Variants in PCDH15 observed in about 807,000 individuals in gnomAD.
PCDH15 encodes the protein protocadherin related 15.
Under a neutral mutation model 178.5 loss-of-function variants are expected in PCDH15, and 129 were observed. That is an observed-to-expected ratio of 0.72 (90% CI 0.63 to 0.84). The LOEUF is 0.84. Ranked by LOEUF, PCDH15 falls within the 40% of genes least tolerant of loss-of-function variation. The pLI is 0.00. For synonymous variants in PCDH15, 800 were observed against 732.0 expected (o/e 1.09, Z -1.50); for missense variants, 2,230 against 2,099.9 (o/e 1.06, Z -1.21).
chr10:54,391,200 T>A (rs1240329606), intron 3 of PCDH15, among the ~76,000 whole-genome samples: 1 of 152,204 alleles, frequency 6.6e-6, no homozygotes, highest in Non-Finnish European at 1.5e-5. Context: ...TGCAGCCACT[T>A]GATCATCCAA....
chr10:54,539,201 G>A (rs2084920466), intron 2 of PCDH15, among the ~76,000 whole-genome samples: 1 of 152,090 alleles, frequency 6.6e-6, no homozygotes, highest in Non-Finnish European at 1.5e-5. Context: ...GTTGGATAAA[G>A]TAACACCCAT....
intron 1 of PCDH15, among the ~76,000 whole-genome samples, chr10:54,742,249 C>T (rs1019823977): frequency 3.9e-5 from 6 of 151,982 alleles, no homozygotes; most frequent in African/African-American, 1.4e-4. Context: ...ATGTGGGAGA[C>T]TTTTCCAAAT....
At chr10:55,361,784 T>C (rs924059082) in intron 2 of PCDH15, among the ~76,000 whole-genome samples, 2 of 152,078 alleles carry the variant, frequency 1.3e-5, no homozygotes, top group Non-Finnish European at 2.9e-5. Context: ...ATCAGACCAA[T>C]AGGAGCAAAA....
At chr10:54,830,742 A>T (rs79768879) in intron 3 of PCDH15, among the ~76,000 whole-genome samples, 11 of 150,964 alleles carry the variant, frequency 7.3e-5, no homozygotes, top group African/African-American at 1.2e-4. Context: ...AATAATAATT[A>T]AAAAAAAAGG....
In PCDH15 at chr10:53,901,522, A is replaced by C. The variant is rs1413041560; in HGVS notation, c.3501+1721T>G. ...CATGCATTAAACTCTACTTGTCCAA[A>C]ACACTGTGTTACCCATTCCCAACAT... On this transcript the variant is annotated intron_variant, in intron 26 of 37. Transcript: ENST00000644397. 2.0e-5 allele frequency among the ~76,000 whole-genome samples: 3 copies of C among 152,138 alleles called. No individual in the cohort carries two copies. In the East Asian group the frequency reaches 5.8e-4, roughly 29 times the overall value.
chr10:54,046,798 T>C (rs2093665145), intron 18 of PCDH15, among the ~76,000 whole-genome samples: 1 of 152,150 alleles, frequency 6.6e-6, no homozygotes, highest in Non-Finnish European at 1.5e-5. Flanking sequence ...CACTTTTGTG[T>C]ATTACATTTT....
intron 9 of PCDH15, among the ~76,000 whole-genome samples, chr10:54,233,097 C>G (rs2054249419): frequency 6.6e-6 from 1 of 151,922 alleles, no homozygotes; most frequent in South Asian, 2.1e-4. Flanking sequence ...GTGCACACCA[C>G]TATGCCCAGC....
intron 14 of PCDH15, 127 bp from the exon 15 acceptor site, chr10:54,133,134 A>G (rs2042586470): frequency 8.8e-7 from 1 of 1,139,358 alleles, no homozygotes. Flanking sequence ...AAAATAATAC[A>G]ATCAAAATGA....
Position 55,237,285 on chromosome 10 carries a change from C to A in PCDH15, c.-155-70634G>T, listed in dbSNP as rs75906508. Among the ~76,000 whole-genome samples, 140 of 152,132 alleles carry A rather than the reference C, an allele frequency of 9.2e-4. 1 individual carries two copies. In the East Asian group the frequency reaches 0.027, roughly 29 times the overall value. ...TTCTGTGTTGAAGAAAAAACAGCCCCTTCTTTTACTTAAAGACAGGTTATG... is the reference window on the plus strand; with the variant it reads ...TTCTGTGTTGAAGAAAAAACAGCCCATTCTTTTACTTAAAGACAGGTTATG... On this transcript the variant is annotated intron_variant, in intron 1 of 5. Transcript: ENST00000458638.
intron 5 of PCDH15, among the ~76,000 whole-genome samples, chr10:54,361,616 T>C (rs750626381): frequency 2.0e-5 from 3 of 152,066 alleles, no homozygotes; most frequent in Admixed American, 6.6e-5. Context: ...AGGTAGGAAG[T>C]GGTCATCCTA....
chr10:54,933,806 T>C (rs922629676), intron 2 of PCDH15, among the ~76,000 whole-genome samples: 2 of 152,154 alleles, frequency 1.3e-5, no homozygotes, highest in African/African-American at 4.8e-5. Flanking sequence ...CACTCTTACT[T>C]TAAATTGACT....
At chr10:54,495,113 G>A (rs2079988669) in intron 3 of PCDH15, among the ~76,000 whole-genome samples, 1 of 152,180 alleles carries the variant, frequency 6.6e-6, no homozygotes, top group Non-Finnish European at 1.5e-5. Flanking sequence ...TGCACAGAGT[G>A]TGAGAATCAG....
At chr10:55,436,248 A>T (rs1270434164) in intron 2 of PCDH15, among the ~76,000 whole-genome samples, 2 of 152,102 alleles carry the variant, frequency 1.3e-5, no homozygotes, top group East Asian at 3.9e-4. Context: ...ATTCCTTAAG[A>T]TTGCTTTAGT....
intron 29 of PCDH15, among the ~76,000 whole-genome samples, chr10:53,836,502 A>G (rs2077316200): frequency 7.9e-6 from 1 of 127,388 alleles, no homozygotes; most frequent in South Asian, 2.8e-4. Flanking sequence ...AGACTGAGAA[A>G]ACCCTACAGC....
At chr10:55,133,967 T>G (rs914105174) in intron 2 of PCDH15, among the ~76,000 whole-genome samples, 1 of 152,172 alleles carries the variant, frequency 6.6e-6, no homozygotes, top group Admixed American at 6.5e-5. Context: ...TCTGATCTCC[T>G]TTAGTATATT....
At chr10:55,363,722 G>A (rs1470802559) in intron 2 of PCDH15, among the ~76,000 whole-genome samples, 1 of 151,838 alleles carries the variant, frequency 6.6e-6, no homozygotes, top group African/African-American at 2.4e-5. Flanking sequence ...TGCAACCTCC[G>A]CCTCTTGAGT....
At position 54,198,687 on chromosome 10, in the gene PCDH15, G is replaced by C. The variant is rs559030124; in HGVS notation, c.1099-2798C>G. 8.0e-5 allele frequency among the ~76,000 whole-genome samples: 8 copies of C among 99,422 alleles called. 2 individuals carry two copies. Among genetic ancestry groups the C allele is most frequent in the African/African-American group, 1.5e-4 (2 of 13,370 alleles). 65.2% of individuals were successfully genotyped at this position (99,422 alleles called of 152,430 possible). A position where few individuals can be genotyped will look rare whatever the true frequency, so the allele number is the denominator to read the frequency against. ...CGGCTAATTTTTTGTATTTTTAGTA[G>C]AGACGGGGTTTCACCGTTTTAGCCG... On this transcript the variant is annotated intron_variant, in intron 10 of 37. Transcript: ENST00000644397.
At chr10:54,301,432 A>T (rs1249960801) in intron 8 of PCDH15, among the ~76,000 whole-genome samples, 1 of 152,182 alleles carries the variant, frequency 6.6e-6, no homozygotes, top group East Asian at 1.9e-4. Context: ...CCATTGTACT[A>T]AGTTTGTTTT....
rs1048208006 is a variant in PCDH15 at position 54,055,491 on chromosome 10, C to T, written c.2220+11266G>A. On this transcript the variant is annotated intron_variant, in intron 18 of 37. Coordinates refer to ENST00000644397, the MANE Select transcript of PCDH15 (RefSeq NM_001384140.1). ...ACAGGCAGTATAGTTTCCAAGTGTGCCTTCTCTAATGCATTTGTGCAAGCA... is the reference window on the plus strand; with the variant it reads ...ACAGGCAGTATAGTTTCCAAGTGTGTCTTCTCTAATGCATTTGTGCAAGCA... 5.9e-5 allele frequency among the ~76,000 whole-genome samples: 9 copies of T among 152,100 alleles called. No homozygotes were observed. The South Asian group carries it at 1.7e-3, about 28-fold the overall frequency.
Sources: gnomAD v4.1 joint callset for allele counts (sites outside exome capture counted in the v4.1 genomes callset) on GRCh38, gnomAD v4.1.1 for gene constraint, MANE v1.5 for transcripts, NCBI Gene and HGNC (gene_info 2026-07-23, HGNC 2026-07-21) for gene names.